Variants in CEP43 observed in about 807,000 individuals in gnomAD.
The protein encoded by CEP43 is centrosomal protein 43.
A neutral mutation model predicts 52.6 loss-of-function variants in CEP43; 36 were observed. The ratio of observed to expected loss-of-function variants is 0.68; its 90% CI spans 0.52 to 0.90. The LOEUF is 0.90. Ranked by LOEUF, CEP43 falls within the 40% of genes least tolerant of loss-of-function variation. The pLI, the probability that CEP43 is intolerant of heterozygous loss-of-function variation, is 0.00. For missense variants in CEP43, 506 were observed against 472.8 expected (o/e 1.07, Z -0.65); for synonymous variants, 192 against 172.4 (o/e 1.11, Z -0.89).
chr6:167,044,332 A>G lies in CEP43; in HGVS notation c.*4354A>G, dbSNP rs1351328379. The G allele has an allele frequency of 5.6e-6, 5 of 892,706 alleles. No homozygotes were observed. The highest frequency in any genetic ancestry group is 3.6e-5 in the African/African-American group (2 of 55,482). The allele number at this position is 892,706 out of a possible 1,614,324, so 55.3% of individuals were successfully genotyped here. A position where few individuals can be genotyped will look rare whatever the true frequency, so the allele number is the denominator to read the frequency against. The stretch of plus-strand genomic sequence containing the variant: ...AATTGTTGGCCTAAGATAATTCAGT[A>G]GCAGGGCTGAATAATGGGATGACTC... On this transcript the variant is annotated 3_prime_UTR_variant, in exon 13 of 13. Transcript: ENST00000366847.
At chr6:166,999,628 C>A in intron 1 of CEP43, 114 bp downstream of exon 1, 2 of 755,318 alleles carry the variant, frequency 2.6e-6, no homozygotes, top group South Asian at 6.0e-5. Context: ...CCGGGGCCGG[C>A]GGGCACTGGG....
chr6:167,033,026 A>G (rs569896256), intron 11 of CEP43, among the ~76,000 whole-genome samples: 1 of 151,796 alleles, frequency 6.6e-6, no homozygotes, highest in African/African-American at 2.4e-5. Context: ...TATGCTCTCA[A>G]ATTAGTTTTT....
intron 4 of CEP43, 47 bp downstream of exon 4, chr6:167,003,858 A>G (rs1779793703): frequency 8.8e-7 from 1 of 1,138,654 alleles, no homozygotes; most frequent in East Asian, 2.4e-5. Flanking sequence ...CTTTGATACA[A>G]ATGAGTTAAT....
rs1308046582 is a variant in CEP43, at chr6:167,044,883, CA to C, written c.*4907del. On this transcript the variant is annotated 3_prime_UTR_variant, in exon 13 of 13. Transcript: ENST00000366847. ...CCCTCTGCACACCAGACCGGCTTCC[CA>C]AGAACCGGGGAAGAGGAGAGGGCAT... is the stretch of plus-strand genomic sequence containing the variant. 6.6e-6 allele frequency: 1 copy of C among 152,412 alleles called. No individual in the cohort carries two copies. The highest frequency in any genetic ancestry group is 2.4e-5 in the African/African-American group (1 of 41,446). 9.4% of individuals were successfully genotyped at this position (152,412 alleles called of 1,614,324 possible). A position where few individuals can be genotyped will look rare whatever the true frequency, so the allele number is the denominator to read the frequency against.
At chr6:167,031,037 GT>G (rs1780459779) in intron 10 of CEP43, among the ~76,000 whole-genome samples, 1 of 151,912 alleles carries the variant, frequency 6.6e-6, no homozygotes, top group South Asian at 2.1e-4. Context: ...CTTACTGGTG[GT>G]TTTTACATTT....
In CEP43 at chr6:167,052,217, C is replaced by T. The variant is rs1780877922; in HGVS notation, c.*12239C>T. ...CTTCTTTATAGCTCTAGGTCCTCTT[C>T]ACTTGTTTTTGTGCTATTATTGTTA... On this transcript the variant is annotated 3_prime_UTR_variant, in exon 13 of 13. Transcript: ENST00000366847. 6.6e-6 allele frequency: 1 copy of T among 152,146 alleles called. No homozygotes were observed. Among genetic ancestry groups the T allele is most frequent in the East Asian group, 1.9e-4 (1 of 5,194 alleles). The allele number at this position is 152,146 out of a possible 1,614,324, so 9.4% of individuals were successfully genotyped here.
rs753708860 is a variant in CEP43, at chr6:167,024,794, T to C, written c.819T>C (p.Pro273=). 6.2e-7 allele frequency: 1 copy of C among 1,613,088 alleles called. No homozygotes were observed. The highest frequency in any genetic ancestry group is 1.3e-5 in the African/African-American group (1 of 75,006). The change falls in exon 9 of 13, where the codon CCT becomes CCC. Residue 273 remains proline (P), a synonymous_variant. Coordinates refer to ENST00000366847, the MANE Select transcript of CEP43 (RefSeq NM_007045.4). ...PEKTYGLRKE[P]RKQAGSLASL... ...TGTTTCTTGTTAGGAGGAAGGAACC[T>C]AGGAAGCAAGCAGGAAGTCTGGCCT...
rs552100553 is a variant in CEP43 at position 167,041,830 on chromosome 6, C to CG, written c.*1858dup. ...CAGCACTACATACATCTTTTTTTTG[C>CG]GGGGGGCGGGGGGGACAGAGTCTCA... is the stretch of plus-strand genomic sequence containing the variant. On this transcript the variant is annotated 3_prime_UTR_variant, in exon 13 of 13. Coordinates refer to ENST00000366847, the MANE Select transcript of CEP43 (RefSeq NM_007045.4). The CG allele has an allele frequency of 1.8e-4, 4 of 21,864 alleles. No individual in the cohort carries two copies. The highest frequency in any genetic ancestry group is 1.9e-3 in the South Asian group (1 of 534). The allele number at this position is 21,864 out of a possible 1,614,324, so 1.4% of individuals were successfully genotyped here.
intron 12 of CEP43, among the ~76,000 whole-genome samples, chr6:167,035,897 A>C (rs1780575516): frequency 6.6e-6 from 1 of 152,236 alleles, no homozygotes; most frequent in African/African-American, 2.4e-5. Flanking sequence ...CTTGGGTCTC[A>C]CATCTATTTT....
chr6:167,050,781 GAAAA>G lies in CEP43; in HGVS notation c.*10823_*10826del, dbSNP rs61698763. 1.2e-3 allele frequency: 120 copies of G among 96,344 alleles called. No individual in the cohort carries two copies. Among genetic ancestry groups the G allele is most frequent in the East Asian group, 7.9e-3 (28 of 3,524 alleles). The allele number at this position is 96,344 out of a possible 1,614,324, so 6.0% of individuals were successfully genotyped here. ...GGGTGACAGAGTGAGACTCAAAAAA[GAAAA>G]AAAAAAAAAAAAAAAAAAAGAAAGA... is the stretch of plus-strand genomic sequence containing the variant. On this transcript the variant is annotated 3_prime_UTR_variant, in exon 13 of 13. Transcript: ENST00000366847.
chr6:167,007,148 G>T (rs1238193363), intron 5 of CEP43, among the ~76,000 whole-genome samples: 1 of 152,160 alleles, frequency 6.6e-6, no homozygotes, highest in Admixed American at 6.5e-5. Context: ...CGTAGCTTTG[G>T]TAACAGGCTG....
intron 10 of CEP43, chr6:167,028,554 A>G (rs1163910504): frequency 5.3e-6 from 5 of 941,236 alleles, no homozygotes; most frequent in Non-Finnish European, 6.3e-6. Context: ...ACAGTACTCT[A>G]GGTATTTTGA....
At chr6:167,026,717 C>T in intron 10 of CEP43, 102 bp downstream of exon 10, 1 of 697,806 alleles carries the variant, frequency 1.4e-6, no homozygotes. Context: ...GAGCACCTTC[C>T]TGCTGCTGCT....
At chr6:167,004,618 TCCTC>T (rs1779810538) in intron 5 of CEP43, among the ~76,000 whole-genome samples, 1 of 49,220 alleles carries the variant, frequency 2.0e-5, no homozygotes, top group South Asian at 1.2e-3. Flanking sequence ...TGGTTTTTGA[TCCTC>T]AAGAGTGTTG....
chr6:167,006,523 AAAAG>A (rs1241713458), intron 5 of CEP43, among the ~76,000 whole-genome samples: 1 of 152,206 alleles, frequency 6.6e-6, no homozygotes, highest in Non-Finnish European at 1.5e-5. Context: ...AAAAAAGAAA[AAAAG>A]AAAATATTTG....
At position 167,026,576 on chromosome 6, in the gene CEP43, C is replaced by G. The variant is rs147558146; in HGVS notation, c.949C>G (p.Leu317Val). Residue 317 changes from leucine to valine, a missense_variant, in exon 10 of 13, where the codon CTG becomes GTG. By Grantham distance (32) the Leu-to-Val change is conservative (BLOSUM62 1). Coordinates refer to ENST00000366847, the MANE Select transcript of CEP43 (RefSeq NM_007045.4). ...SKRGNTVLKD[L>V]KLISDKIGSL... is the part of the protein sequence containing the mutation. ...AAGGGGAAATACAGTTTTGAAAGATCTGAAATTGATCAGTGATAAAATTGG... is the reference window on the plus strand; with the variant it reads ...AAGGGGAAATACAGTTTTGAAAGATGTGAAATTGATCAGTGATAAAATTGG... 2.7e-5 allele frequency: 43 copies of G among 1,597,934 alleles called. No homozygotes were observed. Among genetic ancestry groups the G allele is most frequent in the Non-Finnish European group, 3.4e-5 (40 of 1,165,476 alleles).
intron 12 of CEP43, 103 bp from the exon 13 acceptor site, chr6:167,039,800 TG>T: frequency 8.6e-7 from 1 of 1,161,966 alleles, no homozygotes; most frequent in Non-Finnish European, 1.3e-6. Context: ...TGGCCATTCT[TG>T]CAGGAGTAAG....
chr6:167,040,125 AT>A lies in CEP43; in HGVS notation c.*151del, dbSNP rs768846440. ...ACACTGCAGATATTTTTTAAAAGTA[AT>A]TTTCATTTTACTAAACAAAATACTT... On this transcript the variant is annotated 3_prime_UTR_variant, in exon 13 of 13. Transcript: ENST00000366847. The A allele has an allele frequency of 1.9e-6, 3 of 1,558,640 alleles. No homozygotes were observed. In the African/African-American group the frequency reaches 4.1e-5, roughly 21 times the overall value.
Position 167,045,110 on chromosome 6 carries a change from C to CTTTTT in CEP43, c.*5140_*5144dup, listed in dbSNP as rs71032900. On this transcript the variant is annotated 3_prime_UTR_variant, in exon 13 of 13. Transcript: ENST00000366847. ...TTCAGACACTTGTATTTTTTTTTTC[C>CTTTTT]TTTTTTTTTTTTGAGACTGAGTCAC... 2 of 142,796 alleles carry CTTTTT rather than the reference C, an allele frequency of 1.4e-5. No individual in the cohort carries two copies. The highest frequency in any genetic ancestry group is 1.5e-5 in the Non-Finnish European group (1 of 65,384). The allele number at this position is 142,796 out of a possible 1,614,324, so 8.8% of individuals were successfully genotyped here.
Sources: gnomAD v4.1 joint callset for allele counts (sites outside exome capture counted in the v4.1 genomes callset) on GRCh38, gnomAD v4.1.1 for gene constraint, MANE v1.5 for transcripts, NCBI Gene and HGNC (gene_info 2026-07-23, HGNC 2026-07-21) for gene names.